PADI1: variants seen among roughly 807,000 people sequenced by gnomAD.
PADI1 encodes the protein peptidyl arginine deiminase 1.
Under a neutral mutation model 74.8 loss-of-function variants are expected in PADI1, and 65 were observed. The ratio of observed to expected loss-of-function variants is 0.87; its 90% CI spans 0.71 to 1.07. The LOEUF is 1.07. Among genes scored for constraint, PADI1 ranks in the 50% least tolerant of loss-of-function variants. The pLI, the probability that PADI1 is intolerant of heterozygous loss-of-function variation, is 0.00. For synonymous variants in PADI1, 371 were observed against 336.2 expected, an observed-to-expected ratio of 1.10 and a Z score of -1.13; for missense variants, 943 against 854.0, an observed-to-expected ratio of 1.10 and a Z score of -1.30.
At chr1:17,214,116 GT>G (rs958267597) in intron 1 of PADI1, among the ~76,000 whole-genome samples, 1 of 152,192 alleles carries the variant, frequency 6.6e-6, no homozygotes, top group African/African-American at 2.4e-5. Flanking sequence ...AAGAGTAATT[GT>G]AACCATGGTG....
chr1:17,223,400 A>C, intron 2 of PADI1: 1 of 555,010 alleles, frequency 1.8e-6, no homozygotes, highest in East Asian at 3.0e-5. Context: ...CTTGCTCCTC[A>C]CACCTGCTCT....
intron 11 of PADI1, among the ~76,000 whole-genome samples, chr1:17,234,722 G>T (rs1408331639): frequency 1.3e-5 from 2 of 152,160 alleles, no homozygotes; most frequent in African/African-American, 4.8e-5. Flanking sequence ...CTAATGCTGG[G>T]GATACAGAAA....
intron 11 of PADI1, among the ~76,000 whole-genome samples, chr1:17,233,980 T>C (rs1453971623): frequency 6.6e-6 from 1 of 152,206 alleles, no homozygotes; most frequent in East Asian, 1.9e-4. Context: ...GACACTACTG[T>C]GTGGGCTGTT....
At chr1:17,227,554 TAAATA>T (rs1557468428) in intron 6 of PADI1, among the ~76,000 whole-genome samples, 10 of 151,134 alleles carry the variant, frequency 6.6e-5, no homozygotes, top group African/African-American at 2.4e-4. Flanking sequence ...AATAAATAAA[TAAATA>T]AATAAATAAA....
chr1:17,219,562 G>A (rs958267373), intron 1 of PADI1, among the ~76,000 whole-genome samples: 6 of 152,168 alleles, frequency 3.9e-5, no homozygotes, highest in African/African-American at 1.4e-4. Flanking sequence ...TGAGGGACCA[G>A]GGTGCAGCAC....
chr1:17,205,348 G>T, intron 1 of PADI1, 39 bp downstream of exon 1: 1 of 1,534,428 alleles, frequency 6.5e-7, no homozygotes, highest in South Asian at 1.1e-5. Context: ...GCAGAGAGCT[G>T]GGTTAGAGTG....
intron 1 of PADI1, among the ~76,000 whole-genome samples, chr1:17,218,425 A>T (rs1234780753): frequency 6.6e-6 from 1 of 152,034 alleles, no homozygotes; most frequent in African/African-American, 2.4e-5. Context: ...GGTAAGGGGG[A>T]GTGACACAGC....
chr1:17,219,097 T>A (rs930345230), intron 1 of PADI1, among the ~76,000 whole-genome samples: 1 of 152,140 alleles, frequency 6.6e-6, no homozygotes, highest in African/African-American at 2.4e-5. Context: ...TGAGTCCAAG[T>A]GAACCATGGT....
chr1:17,240,223 A>G (rs1156261855), intron 14 of PADI1: 1 of 238,892 alleles, frequency 4.2e-6, no homozygotes, highest in Non-Finnish European at 8.3e-6. Flanking sequence ...TGCCTGCCCC[A>G]TGCAAGGCGA....
chr1:17,222,934 T>A (rs1343401817), intron 2 of PADI1, among the ~76,000 whole-genome samples: 1 of 124,846 alleles, frequency 8.0e-6, no homozygotes, highest in African/African-American at 3.6e-5. Flanking sequence ...GACGAGTCCC[T>A]CCTCACTCGC....
intron 1 of PADI1, among the ~76,000 whole-genome samples, chr1:17,206,685 T>C (rs1354474748): frequency 1.9e-5 from 2 of 103,898 alleles, no homozygotes; most frequent in Non-Finnish European, 3.9e-5. Flanking sequence ...TTCTTTTTCT[T>C]TTTTTTTTTT....
At chr1:17,221,727 C>T (rs536216241) in intron 1 of PADI1, among the ~76,000 whole-genome samples, 19 of 152,144 alleles carry the variant, frequency 1.2e-4, no homozygotes, top group South Asian at 4.1e-4. Context: ...GGAAGGCCAG[C>T]GTGGCTGGAG....
intron 8 of PADI1, among the ~76,000 whole-genome samples, chr1:17,229,718 A>AT (rs1450071135): frequency 2.0e-5 from 3 of 151,556 alleles, no homozygotes; most frequent in Non-Finnish European, 2.9e-5. Flanking sequence ...CCCCACCCTG[A>AT]CCCCTTTGCT....
intron 8 of PADI1, among the ~76,000 whole-genome samples, 167 bp downstream of exon 8, chr1:17,229,218 C>T (rs1288178116): frequency 6.6e-6 from 1 of 151,830 alleles, no homozygotes; most frequent in Non-Finnish European, 1.5e-5. Context: ...CCCCACCCTG[C>T]CCAACCCTGA....
intron 12 of PADI1, among the ~76,000 whole-genome samples, chr1:17,238,400 G>C (rs2977309): frequency 0.88 from 134,701 of 152,284 alleles, 59,685 homozygotes; most frequent in South Asian, 0.95. Context: ...TGCGAAGGGC[G>C]TCCAGGGAGG....
At position 17,229,033 on chromosome 1, in the gene PADI1, A is replaced by G. The variant is rs1344863548; in HGVS notation, c.911A>G (p.Glu304Gly). 1 of 1,571,764 alleles carries G rather than the reference A, an allele frequency of 6.4e-7. No individual in the cohort carries two copies. The highest frequency in any genetic ancestry group is 1.8e-5 in the Admixed American group (1 of 54,138). ...ATGACGCCCAACACTCAGCCTCCTG[A>G]GGAGCTGTATGTGTGCAGGTGAGGC... is the stretch of plus-strand genomic sequence containing the variant. ...WIMTPNTQPP[E>G]ELYVCRVMDT... Residue 304 changes from glutamate (E) to glycine (G), a missense_variant, in exon 8 of 16, where the codon GAG (glutamate) becomes GGG (glycine). Glu to Gly is a moderately conservative substitution (Grantham distance 98, BLOSUM62 -2). Transcript: ENST00000375471.
chr1:17,223,499 CTG>C (rs1491283086), intron 2 of PADI1, 120 bp from the exon 3 acceptor site: 24 of 752,260 alleles, frequency 3.2e-5, no homozygotes, highest in Non-Finnish European at 5.0e-5. Flanking sequence ...ACTTCAGAGA[CTG>C]GGGGGGTCTC....
rs573796490 is a variant in PADI1, at chr1:17,222,493, A to C, written c.273+23A>C. 110 of 1,591,526 alleles carry C rather than the reference A, an allele frequency of 6.9e-5. No individual in the cohort carries two copies. The South Asian group carries it at 1.1e-3, about 17-fold the overall frequency. On this transcript the variant is annotated intron_variant, in intron 2 of 15. Transcript: ENST00000375471. ...AAGGTAAGAGGCCACTTTCTCATAG[A>C]AAAGGGTTGGATCTCTCCACCCCCA...
intron 1 of PADI1, among the ~76,000 whole-genome samples, chr1:17,220,926 C>T (rs188843117): frequency 2.0e-5 from 3 of 152,344 alleles, no homozygotes; most frequent in East Asian, 1.9e-4. Flanking sequence ...CCCTCTGATG[C>T]TGTGGGCCAG....
Sources: allele counts gnomAD v4.1 joint callset (sites outside exome capture counted in the v4.1 genomes callset), GRCh38; gene constraint gnomAD v4.1.1; transcripts MANE v1.5; gene names NCBI Gene and HGNC (gene_info 2026-07-23, HGNC 2026-07-21).